AUTS2: variants seen among roughly 807,000 people sequenced by gnomAD.
The protein encoded by AUTS2 is autism susceptibility gene 2 protein.
Under a neutral mutation model 112.4 loss-of-function variants are expected in AUTS2, and 17 were observed. The ratio of observed to expected loss-of-function variants is 0.15; its 90% CI spans 0.10 to 0.23. AUTS2 has a LOEUF of 0.23. AUTS2 is among the 10% of genes least tolerant of loss of function. The probability of loss-of-function intolerance (pLI) is 1.00; values close to 1 mark genes in which losing one functional copy is unlikely to be tolerated. For missense variants in AUTS2, 1,510 were observed against 1,701.6 expected (o/e 0.89, Z 1.98); for synonymous variants, 751 against 702.7 (o/e 1.07, Z -1.09).
chr7:70,686,438 G>T, intron 5 of AUTS2, among the ~76,000 whole-genome samples: 1 of 152,128 alleles, frequency 6.6e-6, no homozygotes, highest in Non-Finnish European at 1.5e-5. Flanking sequence ...GAACCCATTG[G>T]TTCTTTCATG....
chr7:70,536,626 C>T (rs192811381), intron 5 of AUTS2, among the ~76,000 whole-genome samples: 117 of 124,574 alleles, frequency 9.4e-4, no homozygotes, highest in African/African-American at 3.5e-3. Flanking sequence ...GTAGGCCAAG[C>T]GCAGTGGCTC....
intron 4 of AUTS2, among the ~76,000 whole-genome samples, chr7:70,272,320 A>G (rs1159559409): frequency 1.3e-5 from 2 of 152,182 alleles, no homozygotes; most frequent in Middle Eastern, 3.4e-3. Context: ...ATTTTAATGC[A>G]CAATCACCTT....
At chr7:70,146,799 T>C (rs867489768) in intron 4 of AUTS2, among the ~76,000 whole-genome samples, 4 of 152,178 alleles carry the variant, frequency 2.6e-5, no homozygotes, top group Admixed American at 2.0e-4. Flanking sequence ...GAAAACTGAA[T>C]GCTCTATACT....
chr7:70,776,652 CAGGT>C (rs1790713456), intron 13 of AUTS2: 1 of 193,324 alleles, frequency 5.2e-6, no homozygotes, highest in South Asian at 1.0e-4. Flanking sequence ...GAGGTTAGGA[CAGGT>C]TCTGTACCCT....
rs79133762 is a variant in AUTS2, at chr7:70,105,458, T to C, written c.523-12674T>C. Among the ~76,000 whole-genome samples, 215 of 152,208 alleles carry C rather than the reference T, an allele frequency of 1.4e-3. 1 individual carries two copies. The East Asian group carries it at 0.015, about 11-fold the overall frequency. ...ATTTTTTTTAGTGATTGAGTCTTGC[T>C]ATGTTTCCCACGCTGATCTTGAACT... On this transcript the variant is annotated intron_variant, in intron 2 of 18. Coordinates refer to ENST00000342771, the MANE Select transcript of AUTS2 (RefSeq NM_015570.4).
intron 18 of AUTS2, among the ~76,000 whole-genome samples, chr7:70,788,855 C>G (rs1791689032): frequency 1.3e-5 from 2 of 152,230 alleles, no homozygotes; most frequent in Admixed American, 6.5e-5. Context: ...TTGGCACCAT[C>G]CGTAAGACCT....
rs371916871 is a variant in AUTS2, at chr7:70,612,579, G to A, written c.691-85990G>A. ...GTAAGTCCAACAAGACCTACCCAAG[G>A]TCACAGTGGCCTGGGTGGCACAGGG... On this transcript the variant is annotated intron_variant, in intron 5 of 18. Transcript: ENST00000342771. Among the ~76,000 whole-genome samples, 13 of 151,950 alleles carry A rather than the reference G, an allele frequency of 8.6e-5. No individual in the cohort carries two copies. In the East Asian group the frequency reaches 9.7e-4, roughly 11 times the overall value.
chr7:70,091,834 G>A (rs1278297060), intron 2 of AUTS2, among the ~76,000 whole-genome samples: 1 of 152,148 alleles, frequency 6.6e-6, no homozygotes, highest in Non-Finnish European at 1.5e-5. Flanking sequence ...TACCCAACAT[G>A]TAGGAATATA....
At position 70,790,834 on chromosome 7, in the gene AUTS2, A is replaced by C. The variant is rs1554489422; in HGVS notation, c.3618A>C (p.Gly1206=). ...RISPTAGNQN[G]LLNKTPPTAA... ...GCCCCACCGCGGGCAACCAGAACGG[A>C]CTCCTCAACAAGACCCCTCCGACAG... The change falls in exon 19 of 19, where the codon GGA becomes GGC. Residue 1206 remains glycine, a synonymous_variant. Coordinates refer to ENST00000342771, the MANE Select transcript of AUTS2 (RefSeq NM_015570.4). The surrounding 1 kb of genome is among the most constrained non-coding windows in gnomAD (Gnocchi z 7.6). 1.9e-6 allele frequency: 3 copies of C among 1,606,166 alleles called. No homozygotes were observed. The highest frequency in any genetic ancestry group is 2.6e-6 in the Non-Finnish European group (3 of 1,175,806).
intron 5 of AUTS2, among the ~76,000 whole-genome samples, chr7:70,443,130 A>C (rs1042646794): frequency 6.6e-6 from 1 of 152,230 alleles, no homozygotes; most frequent in Admixed American, 6.5e-5. Context: ...AGAAGTTATA[A>C]ATGTACAGAT....
At chr7:70,780,640 C>T (rs748118600) in intron 14 of AUTS2, among the ~76,000 whole-genome samples, 9 of 152,070 alleles carry the variant, frequency 5.9e-5, no homozygotes, top group African/African-American at 2.2e-4. Flanking sequence ...CCTCCCAAAG[C>T]GCTGGGATTA....
rs1792018641 is a variant in AUTS2, at chr7:70,792,284, CATCA to C, written c.*1292_*1295del. The C allele has an allele frequency of 1.3e-5, 2 of 152,530 alleles. No homozygotes were observed. Among genetic ancestry groups the C allele is most frequent in the South Asian group, 2.1e-4 (1 of 4,812 alleles). 9.4% of individuals were successfully genotyped at this position (152,530 alleles called of 1,614,324 possible). A position where few individuals can be genotyped will look rare whatever the true frequency, so the allele number is the denominator to read the frequency against. On this transcript the variant is annotated 3_prime_UTR_variant, in exon 19 of 19. Transcript: ENST00000342771. Reference sequence around the variant, plus strand: ...TGTGTGAGTGTGTTTTTTGAGTTTGCATCAATCTTAATGTCTCTTCATAATACTT... The same window carrying C: ...TGTGTGAGTGTGTTTTTTGAGTTTGCATCTTAATGTCTCTTCATAATACTT...
At chr7:69,668,523 C>A (rs1005119037) in intron 1 of AUTS2, among the ~76,000 whole-genome samples, 1 of 152,156 alleles carries the variant, frequency 6.6e-6, no homozygotes, top group African/African-American at 2.4e-5. Context: ...CATTTTAGCA[C>A]GTGGTGATCT....
At chr7:70,298,005 G>C (rs538999615) in intron 4 of AUTS2, among the ~76,000 whole-genome samples, 7 of 151,946 alleles carry the variant, frequency 4.6e-5, no homozygotes, top group African/African-American at 1.2e-4. Flanking sequence ...AAAACCCAAA[G>C]CCTCTTTTTT....
chr7:69,793,230 G>C (rs566925560), intron 1 of AUTS2, among the ~76,000 whole-genome samples: 77 of 152,166 alleles, frequency 5.1e-4, no homozygotes, highest in African/African-American at 1.8e-3. Flanking sequence ...AAGACCTATG[G>C]TGCTCTCTGT....
intron 1 of AUTS2, among the ~76,000 whole-genome samples, chr7:69,689,632 A>C (rs1364109422): frequency 7.6e-6 from 1 of 130,776 alleles, no homozygotes; most frequent in African/African-American, 2.9e-5. Context: ...GAGCCACCGC[A>C]CCCGGCCTTT....
At chr7:69,698,939 T>C (rs1276610087) in intron 1 of AUTS2, among the ~76,000 whole-genome samples, 1 of 152,184 alleles carries the variant, frequency 6.6e-6, no homozygotes, top group Admixed American at 6.5e-5. Flanking sequence ...TTTCCCAATG[T>C]CATATATAAC....
chr7:70,693,750 G>A (rs1207044682), intron 5 of AUTS2, among the ~76,000 whole-genome samples: 1 of 152,250 alleles, frequency 6.6e-6, no homozygotes, highest in African/African-American at 2.4e-5. Context: ...CAGGCTGCGG[G>A]CCTAGTGGCC....
chr7:70,489,924 G>A (rs1437408861), intron 5 of AUTS2, among the ~76,000 whole-genome samples: 2 of 152,156 alleles, frequency 1.3e-5, no homozygotes, highest in East Asian at 1.9e-4. Context: ...ATGGGTCAAA[G>A]AGGAAATCAC....
Sources: gnomAD v4.1 joint callset for allele counts (sites outside exome capture counted in the v4.1 genomes callset) on GRCh38, gnomAD v4.1.1 for gene constraint, Gnocchi (gnomAD v3.1) non-coding constraint, MANE v1.5 for transcripts, NCBI Gene and HGNC (gene_info 2026-07-23, HGNC 2026-07-21) for gene names.